GPC6: variants seen among roughly 807,000 people sequenced by gnomAD.
GPC6 encodes glypican 6, also known as glypican-6.
A neutral mutation model predicts 55.2 loss-of-function variants in GPC6; 14 were observed. That is an observed-to-expected ratio of 0.25 (90% CI 0.17 to 0.40). The LOEUF (loss-of-function observed/expected upper bound fraction) is 0.40. Ranked by LOEUF, GPC6 falls within the 10% of genes least tolerant of loss-of-function variation. The pLI, the probability that GPC6 is intolerant of heterozygous loss-of-function variation, is 1.00. For missense variants in GPC6, 641 were observed against 708.5 expected (o/e 0.90, Z 1.08); for synonymous variants, 278 against 259.6 (o/e 1.07, Z -0.68).
At chr13:94,087,749 G>C (rs896635125) in intron 4 of GPC6, among the ~76,000 whole-genome samples, 2 of 152,200 alleles carry the variant, frequency 1.3e-5, no homozygotes, top group African/African-American at 4.8e-5. Context: ...AATGAGACAT[G>C]TTCCACAGTT....
chr13:93,429,643 G>T (rs1594163753), intron 1 of GPC6, among the ~76,000 whole-genome samples: 1 of 152,234 alleles, frequency 6.6e-6, no homozygotes, highest in South Asian at 2.1e-4. Context: ...TGAAATGAGG[G>T]TCTCAATTGC....
At chr13:93,633,687 T>C (rs1186825735) in intron 2 of GPC6, among the ~76,000 whole-genome samples, 1 of 148,884 alleles carries the variant, frequency 6.7e-6, no homozygotes, top group Non-Finnish European at 1.5e-5. Context: ...ACCAAAGTTT[T>C]TGCCACAAAA....
At chr13:94,187,207 G>C (rs1889227764) in intron 4 of GPC6, 1 of 152,148 alleles carries the variant, frequency 6.6e-6, no homozygotes, top group African/African-American at 2.4e-5. Context: ...AAGGCTTGGA[G>C]CAAAATGAAC....
intron 2 of GPC6, among the ~76,000 whole-genome samples, chr13:93,700,071 T>C (rs1456174432): frequency 1.3e-5 from 2 of 152,084 alleles, no homozygotes; most frequent in Non-Finnish European, 2.9e-5. Flanking sequence ...TTTTCAGGTG[T>C]ATAAAGATTA....
At chr13:94,250,886 A>G (rs1891327602) in intron 4 of GPC6, among the ~76,000 whole-genome samples, 1 of 152,140 alleles carries the variant, frequency 6.6e-6, no homozygotes, top group Admixed American at 6.6e-5. Context: ...AATTCCTCTT[A>G]AAGGTGCAAG....
chr13:93,311,133 AG>A (rs1193618121), intron 1 of GPC6, among the ~76,000 whole-genome samples: 1 of 152,220 alleles, frequency 6.6e-6, no homozygotes, highest in African/African-American at 2.4e-5. Context: ...CTCCGGCATC[AG>A]AAAGGGTAGG....
intron 6 of GPC6, among the ~76,000 whole-genome samples, chr13:94,319,079 A>C (rs920881875): frequency 6.6e-6 from 1 of 152,102 alleles, no homozygotes; most frequent in African/African-American, 2.4e-5. Flanking sequence ...TGTACTAGAA[A>C]TATTGATATT....
chr13:93,359,543 A>G (rs969216365), intron 1 of GPC6, among the ~76,000 whole-genome samples: 22 of 152,204 alleles, frequency 1.4e-4, no homozygotes, highest in African/African-American at 3.6e-4. Flanking sequence ...GATATGTGCA[A>G]TAGTTGAATG....
rs578062700 is a variant in GPC6 at position 94,355,808 on chromosome 13, T to C, written c.1153-26606T>C. ...ACTTAATTTTAAGTTCTGGGATACATGCGCAGGACATGCAGGTTTGTTACA... is the reference window on the plus strand; with the variant it reads ...ACTTAATTTTAAGTTCTGGGATACACGCGCAGGACATGCAGGTTTGTTACA... On this transcript the variant is annotated intron_variant, in intron 6 of 8. Transcript: ENST00000377047. 1.9e-4 allele frequency among the ~76,000 whole-genome samples: 29 copies of C among 152,298 alleles called. 1 individual carries two copies. The highest frequency in any genetic ancestry group is 3.4e-3 in the Middle Eastern group (1 of 294).
At chr13:93,789,574 A>AATACTACATATATATAT (rs1594458673) in intron 2 of GPC6, among the ~76,000 whole-genome samples, 1 of 89,792 alleles carries the variant, frequency 1.1e-5, no homozygotes, top group East Asian at 2.8e-4. Context: ...ATATATATAT[A>AATACTACATATATATAT]AATACTATAT....
chr13:94,120,985 T>A (rs1886610711), intron 4 of GPC6, among the ~76,000 whole-genome samples: 1 of 151,942 alleles, frequency 6.6e-6, no homozygotes, highest in African/African-American at 2.4e-5. Flanking sequence ...TGTCTGAGAG[T>A]GACCCAGGAG....
At chr13:93,932,553 A>G (rs1286659588) in intron 3 of GPC6, among the ~76,000 whole-genome samples, 1 of 152,192 alleles carries the variant, frequency 6.6e-6, no homozygotes, top group African/African-American at 2.4e-5. Context: ...TCTATGTTCT[A>G]CATCTTCAAG....
chr13:93,735,392 G>A (rs979470636), intron 2 of GPC6, among the ~76,000 whole-genome samples: 4 of 152,032 alleles, frequency 2.6e-5, no homozygotes, highest in African/African-American at 7.2e-5. Context: ...ACTTAGCTGG[G>A]CATGGTGGCG....
At chr13:94,074,622 C>T (rs532357090) in intron 4 of GPC6, among the ~76,000 whole-genome samples, 87 of 152,266 alleles carry the variant, frequency 5.7e-4, no homozygotes, top group Non-Finnish European at 1.0e-3. Flanking sequence ...GTGTTGAAGA[C>T]GGAAGCAGAG....
intron 4 of GPC6, among the ~76,000 whole-genome samples, chr13:94,052,330 T>C (rs1452562881): frequency 6.6e-6 from 1 of 152,088 alleles, no homozygotes; most frequent in Non-Finnish European, 1.5e-5. Context: ...TGAAGGTACT[T>C]TGTCTAAAAA....
At chr13:94,389,430 G>T (rs1407517751) in intron 7 of GPC6, among the ~76,000 whole-genome samples, 1 of 152,082 alleles carries the variant, frequency 6.6e-6, no homozygotes, top group Non-Finnish European at 1.5e-5. Flanking sequence ...CTTTTATATG[G>T]TTAGCATATA....
rs201894177 is a variant in GPC6 at position 94,034,187 on chromosome 13, G to GAGAAAGAA, written c.877+6302_877+6309dup. Among the ~76,000 whole-genome samples the GAGAAAGAA allele has an allele frequency of 1.6e-4, 21 of 133,348 alleles. 1 individual carries two copies. Among genetic ancestry groups the GAGAAAGAA allele is most frequent in the South Asian group, 1.0e-3 (4 of 3,934 alleles). 87.5% of individuals were successfully genotyped at this position (133,348 alleles called of 152,430 possible). A position where few individuals can be genotyped will look rare whatever the true frequency, so the allele number is the denominator to read the frequency against. Reference sequence around the variant, plus strand: ...ATAAGCCGTACTAACTACTTGCTGAGAGAAAGAAAGAAAGAAGGAAGGAAG... The same window carrying GAGAAAGAA: ...ATAAGCCGTACTAACTACTTGCTGAGAGAAAGAAAGAAAGAAAGAAAGAAGGAAGGAAG... On this transcript the variant is annotated intron_variant, in intron 4 of 8. Transcript: ENST00000377047.
chr13:94,316,325 A>G (rs1381467211), intron 6 of GPC6, among the ~76,000 whole-genome samples: 1 of 152,182 alleles, frequency 6.6e-6, no homozygotes, highest in Non-Finnish European at 1.5e-5. Context: ...TTCAATCATC[A>G]TTCAACCAGA....
At chr13:94,048,847 C>T (rs1056864075) in intron 4 of GPC6, among the ~76,000 whole-genome samples, 12 of 152,116 alleles carry the variant, frequency 7.9e-5, no homozygotes, top group Middle Eastern at 3.4e-3. Context: ...TGCCCTGGAA[C>T]GGTACAGCTT....
Sources: allele counts gnomAD v4.1 joint callset (sites outside exome capture counted in the v4.1 genomes callset), GRCh38; gene constraint gnomAD v4.1.1; transcripts MANE v1.5; gene names NCBI Gene and HGNC (gene_info 2026-07-23, HGNC 2026-07-21).